GPR55: variants seen among roughly 807,000 people sequenced by gnomAD.
The protein encoded by GPR55 is G protein-coupled receptor 55, also known as G-protein coupled receptor 55.
In GPR55, 6 loss-of-function variants were observed where a neutral mutation model predicts 7.9. The observed-to-expected ratio is 0.76, with a 90% CI of 0.41 to 1.49. The LOEUF (loss-of-function observed/expected upper bound fraction) is 1.49. Among genes scored for constraint, GPR55 ranks in the 40% most tolerant of loss-of-function variants. The pLI, the probability that GPR55 is intolerant of heterozygous loss-of-function variation, is 0.01. For missense variants in GPR55, 376 were observed against 406.0 expected, an observed-to-expected ratio of 0.93 and a Z score of 0.63; for synonymous variants, 183 against 166.8, an observed-to-expected ratio of 1.10 and a Z score of -0.75.
chr2:230,950,054 G>A (rs1056487450), intron 1 of GPR55, among the ~76,000 whole-genome samples: 2 of 152,150 alleles, frequency 1.3e-5, no homozygotes, highest in African/African-American at 2.4e-5. Context: ...CAGGCTGAAC[G>A]CCTGACATCG....
At chr2:230,914,944 C>G (rs1176174771) in intron 1 of GPR55, among the ~76,000 whole-genome samples, 1 of 152,202 alleles carries the variant, frequency 6.6e-6, no homozygotes, top group East Asian at 1.9e-4. Context: ...AGGTCTGACT[C>G]TGTGGAAGGA....
At chr2:230,955,854 GT>G (rs1691474458) in intron 1 of GPR55, among the ~76,000 whole-genome samples, 1 of 152,176 alleles carries the variant, frequency 6.6e-6, no homozygotes. Flanking sequence ...AGTCCCCTGA[GT>G]AGCTGGGACT....
intron 1 of GPR55, among the ~76,000 whole-genome samples, chr2:230,912,327 G>A (rs1208670933): frequency 2.0e-5 from 3 of 152,170 alleles, no homozygotes; most frequent in African/African-American, 4.8e-5. Flanking sequence ...TGGCTAGCAG[G>A]TGCTGAGATC....
In GPR55 at chr2:230,924,182, T is replaced by G. The variant is rs1690899420; in HGVS notation, c.-135+986A>C. 6.6e-6 allele frequency among the ~76,000 whole-genome samples: 1 copy of G among 152,132 alleles called. No individual in the cohort carries two copies. The highest frequency in any genetic ancestry group is 1.5e-5 in the Non-Finnish European group (1 of 68,016). Reference sequence around the variant, plus strand: ...CAGTTTGTCGTTGGGAAGGTCTTATTGCATGAAAGAGGGGGTGAAGAAATG... The same window carrying G: ...CAGTTTGTCGTTGGGAAGGTCTTATGGCATGAAAGAGGGGGTGAAGAAATG... On this transcript the variant is annotated intron_variant, in intron 1 of 1. Transcript: ENST00000650999. The surrounding 1 kb of genome is among the most constrained non-coding windows in gnomAD (Gnocchi z 4.5).
Position 230,935,905 on chromosome 2 carries a change from T to A in GPR55, c.-134-24809A>T, listed in dbSNP as rs902562017. 3.3e-5 allele frequency among the ~76,000 whole-genome samples: 5 copies of A among 152,214 alleles called. No individual in the cohort carries two copies. In the South Asian group the frequency reaches 1.0e-3, roughly 31 times the overall value. Reference sequence around the variant, plus strand: ...ATGTTGGCGCACAAAAAGTTTTAGATCTGGAGTATTTTAGATTTTGGACTT... The same window carrying A: ...ATGTTGGCGCACAAAAAGTTTTAGAACTGGAGTATTTTAGATTTTGGACTT... On this transcript the variant is annotated intron_variant, in intron 1 of 1. Coordinates refer to the GPR55 transcript ENST00000392039.
rs732065 is a variant in GPR55, at chr2:230,941,502, C to G, written c.-135+19273G>C. Among the ~76,000 whole-genome samples, 22 of 152,210 alleles carry G rather than the reference C, an allele frequency of 1.4e-4. 1 individual carries two copies. The highest frequency in any genetic ancestry group is 1.4e-3 in the Admixed American group (21 of 15,282). ...CTCCTCTGCCATGGTGAGCTGTGTG[C>G]CCACCACTTCCCACACTCGGTCTCC... On this transcript the variant is annotated intron_variant, in intron 1 of 1. Transcript: ENST00000392039.
At chr2:230,918,154 T>C (rs938618559) in intron 1 of GPR55, among the ~76,000 whole-genome samples, 2 of 152,216 alleles carry the variant, frequency 1.3e-5, no homozygotes, top group African/African-American at 4.8e-5. Flanking sequence ...ACACATTTAA[T>C]AGGTGGTTCC....
In GPR55 at chr2:230,910,932, G is replaced by C. The variant is rs750618929; in HGVS notation, c.31C>G (p.Leu11Val). Reference protein sequence around the residue: MSQQNTSGDCLFDGVNELMKT... With the variant: MSQQNTSGDCVFDGVNELMKT... ...ATCAGCTCGTTGACACCGTCAAACA[G>C]GCAGTCCCCACTGGTGTTTTGCTGA... Residue 11 changes from leucine to valine, a missense_variant, in exon 2 of 2, where the codon CTG becomes GTG. Leu to Val is a conservative substitution (Grantham distance 32). Coordinates refer to ENST00000650999, the MANE Select transcript of GPR55 (RefSeq NM_005683.4). The surrounding 1 kb of genome is among the most constrained non-coding windows in gnomAD (Gnocchi z 5.4). 1.2e-6 allele frequency: 2 copies of C among 1,607,882 alleles called. No homozygotes were observed. Among genetic ancestry groups the C allele is most frequent in the South Asian group, 2.2e-5 (2 of 90,762 alleles).
chr2:230,953,685 A>G (rs975719100), intron 1 of GPR55, among the ~76,000 whole-genome samples: 7 of 152,244 alleles, frequency 4.6e-5, no homozygotes, highest in African/African-American at 1.4e-4. Flanking sequence ...ATCTTCCCAG[A>G]CACTATCAGG....
chr2:230,925,883 C>A (rs1690933616), upstream of GPR55, among the ~76,000 whole-genome samples: 1 of 152,042 alleles, frequency 6.6e-6, no homozygotes, highest in Non-Finnish European at 1.5e-5. Flanking sequence ...TAGGGCCCTG[C>A]AAGCAGAGAT....
intron 1 of GPR55, among the ~76,000 whole-genome samples, chr2:230,939,662 G>A (rs1691190220): frequency 6.6e-6 from 1 of 152,200 alleles, no homozygotes; most frequent in Non-Finnish European, 1.5e-5. Flanking sequence ...CAATAACAGG[G>A]CCGTGTCCAT....
At chr2:230,948,364 G>T (rs1300860790) in intron 1 of GPR55, among the ~76,000 whole-genome samples, 5 of 152,068 alleles carry the variant, frequency 3.3e-5, no homozygotes, top group Admixed American at 6.5e-5. Flanking sequence ...CCTCCCAACC[G>T]CACTGACCTG....
rs985274554 is a variant in GPR55, at chr2:230,944,105, T to G, written c.-135+16670A>C. ...GAAGTGAGAAGCCTCTCCATGAAGA[T>G]GCCTTCTGCCATTCATTACACACAC... On this transcript the variant is annotated intron_variant, in intron 1 of 1. Coordinates refer to the GPR55 transcript ENST00000392039. This position sits in a 1 kb window ranked among gnomAD's most constrained non-coding sequence, Gnocchi z 4.2. 6.6e-6 allele frequency among the ~76,000 whole-genome samples: 1 copy of G among 152,194 alleles called. No individual in the cohort carries two copies. The highest frequency in any genetic ancestry group is 1.5e-5 in the Non-Finnish European group (1 of 68,038).
At chr2:230,932,041 C>T (rs1025095795) in intron 1 of GPR55, among the ~76,000 whole-genome samples, 1 of 152,212 alleles carries the variant, frequency 6.6e-6, no homozygotes, top group Non-Finnish European at 1.5e-5. Context: ...CATCCCCAGA[C>T]AGCCTGGCCT....
chr2:230,946,291 A>G (rs1691312879), intron 1 of GPR55, among the ~76,000 whole-genome samples: 1 of 152,226 alleles, frequency 6.6e-6, no homozygotes, highest in South Asian at 2.1e-4. Flanking sequence ...TCTATTGTAT[A>G]TAATAGCATG....
chr2:230,957,888 G>A (rs1371461693), intron 1 of GPR55: 3 of 540,284 alleles, frequency 5.6e-6, no homozygotes, highest in Non-Finnish European at 7.3e-6. Context: ...TTAAAAATAA[G>A]ATATTATGTG....
At chr2:230,915,202 G>A (rs1690681341) in intron 1 of GPR55, among the ~76,000 whole-genome samples, 1 of 152,226 alleles carries the variant, frequency 6.6e-6, no homozygotes, top group Non-Finnish European at 1.5e-5. Flanking sequence ...ACTGTGGTCA[G>A]GGACCCTGGG....
At chr2:230,960,570 T>A (rs184913097) in intron 1 of GPR55, among the ~76,000 whole-genome samples, 1 of 151,982 alleles carries the variant, frequency 6.6e-6, no homozygotes, top group South Asian at 2.1e-4. Flanking sequence ...CACGAATACT[T>A]CTGAATGACA....
chr2:230,954,544 A>G (rs1386026475), intron 1 of GPR55, among the ~76,000 whole-genome samples: 1 of 152,252 alleles, frequency 6.6e-6, no homozygotes, highest in East Asian at 1.9e-4. Flanking sequence ...ATATAGGCAT[A>G]CAATGTGTAA....
Sources: allele counts gnomAD v4.1 joint callset (sites outside exome capture counted in the v4.1 genomes callset), GRCh38; gene constraint gnomAD v4.1.1; non-coding constraint Gnocchi (gnomAD v3.1); transcripts MANE v1.5; gene names NCBI Gene and HGNC (gene_info 2026-07-23, HGNC 2026-07-21).